Variants in XKR6 observed in about 807,000 individuals in gnomAD.
The protein encoded by XKR6 is XK-related protein 6.
A neutral mutation model predicts 56.7 loss-of-function variants in XKR6; 22 were observed. That is an observed-to-expected ratio of 0.39 (90% CI 0.28 to 0.55). XKR6 has a LOEUF of 0.55. Ranked by LOEUF, XKR6 falls within the 20% of genes least tolerant of loss-of-function variation. XKR6 has a pLI of 0.66. For missense variants in XKR6, 852 were observed against 889.0 expected, an observed-to-expected ratio of 0.96 and a Z score of 0.53; for synonymous variants, 524 against 387.8, an observed-to-expected ratio of 1.35 and a Z score of -4.13.
rs551146609 is a variant in XKR6, at chr8:10,979,076, C to T, written c.765-54246G>A. Among the ~76,000 whole-genome samples the T allele has an allele frequency of 8.0e-4, 121 of 152,122 alleles. 1 individual carries two copies. Among genetic ancestry groups the T allele is most frequent in the African/African-American group, 2.7e-3 (114 of 41,500 alleles). On this transcript the variant is annotated intron_variant, in intron 1 of 2. Coordinates refer to ENST00000416569, the MANE Select transcript of XKR6 (RefSeq NM_173683.4). The stretch of plus-strand genomic sequence containing the variant: ...CTGCTTGACTTTAGGGACCCAATCC[C>T]ATCTTCAATGTCACCTCCTCCTTGC...
At chr8:11,057,802 T>C (rs1047564598) in intron 1 of XKR6, among the ~76,000 whole-genome samples, 2 of 152,196 alleles carry the variant, frequency 1.3e-5, no homozygotes, top group African/African-American at 4.8e-5. Context: ...TTTTTAACCT[T>C]TTATTACATT....
At chr8:11,144,829 G>C (rs10095840) in intron 1 of XKR6, among the ~76,000 whole-genome samples, 7,769 of 150,930 alleles carry the variant, frequency 0.051, 669 homozygotes, top group African/African-American at 0.18. Flanking sequence ...AACAAAGACA[G>C]CTCAGTTTGG....
intron 1 of XKR6, among the ~76,000 whole-genome samples, chr8:11,049,206 G>T (rs1439814841): frequency 1.3e-5 from 2 of 152,218 alleles, no homozygotes; most frequent in Admixed American, 1.3e-4. Flanking sequence ...AAGGCACCTG[G>T]GGTTCTAATG....
At chr8:11,046,855 G>A (rs550379755) in intron 1 of XKR6, among the ~76,000 whole-genome samples, 1 of 152,308 alleles carries the variant, frequency 6.6e-6, no homozygotes, top group South Asian at 2.1e-4. Context: ...CAACATGGAT[G>A]AACCTGGAGG....
chr8:11,197,046 C>T (rs967322845), intron 1 of XKR6, among the ~76,000 whole-genome samples: 12 of 152,154 alleles, frequency 7.9e-5, no homozygotes, highest in Non-Finnish European at 1.2e-4. Context: ...AGCTGTAGAC[C>T]GCTCAACTGG....
chr8:10,987,863 C>G (rs980454325), intron 1 of XKR6, among the ~76,000 whole-genome samples: 1 of 152,204 alleles, frequency 6.6e-6, no homozygotes, highest in African/African-American at 2.4e-5. Flanking sequence ...TGCCATGGCT[C>G]TTAGCAGAAT....
In XKR6 at chr8:10,898,874, A is replaced by G; in HGVS notation, c.1004T>C (p.Leu335Pro). The G allele has an allele frequency of 1.2e-6, 2 of 1,613,314 alleles. No homozygotes were observed. Among genetic ancestry groups the G allele is most frequent in the Non-Finnish European group, 1.7e-6 (2 of 1,179,522 alleles). Residue 335 changes from leucine (L) to proline (P), a missense_variant, in exon 3 of 3, where the codon CTA becomes CCA. Around this residue, in one of 4 missense-constraint regions of XKR6, gnomAD observed 199 missense variants for 280.4 expected, o/e 0.71. Transcript: ENST00000416569. The surrounding 1 kb of genome is among the most constrained non-coding windows in gnomAD (Gnocchi z 6.6). ...CCGCAGCAGCTTGTGATAGGAGGCT[A>G]GCACCCAAGCCAGGGACATCAGGGA... ...VTSLMSLAWVLASYHKLLRDS... is the reference protein window; with the variant it reads ...VTSLMSLAWVPASYHKLLRDS...
At position 10,969,519 on chromosome 8, in the gene XKR6, A is replaced by C. The variant is rs144304001; in HGVS notation, c.765-44689T>G. The stretch of plus-strand genomic sequence containing the variant: ...CATGGGAAATGTAGGTACGTGTCCT[A>C]TGCAGGCATCCCTGGCCAGAACACA... On this transcript the variant is annotated intron_variant, in intron 1 of 2. Coordinates refer to ENST00000416569, the MANE Select transcript of XKR6 (RefSeq NM_173683.4). Among the ~76,000 whole-genome samples the C allele has an allele frequency of 7.6e-3, 1,153 of 152,350 alleles. 20 individuals carry two copies. Among genetic ancestry groups the C allele is most frequent in the African/African-American group, 0.026 (1,075 of 41,586 alleles).
chr8:10,924,211 G>A, intron 2 of XKR6, among the ~76,000 whole-genome samples: 1 of 152,250 alleles, frequency 6.6e-6, no homozygotes, highest in East Asian at 1.9e-4. Flanking sequence ...CAGTTTAAAG[G>A]GTCTGAAACC....
intron 1 of XKR6, among the ~76,000 whole-genome samples, chr8:11,115,657 T>C (rs1309392062): frequency 6.6e-6 from 1 of 152,132 alleles, no homozygotes; most frequent in Admixed American, 6.5e-5. Context: ...TGTCAAAATA[T>C]ATGCACCTGA....
At chr8:10,943,625 G>A (rs1441470244) in intron 1 of XKR6, among the ~76,000 whole-genome samples, 1 of 152,122 alleles carries the variant, frequency 6.6e-6, no homozygotes, top group African/African-American at 2.4e-5. Context: ...TACCATTTCT[G>A]TACCAGGCAC....
At position 10,925,371 on chromosome 8, in the gene XKR6, G is replaced by A. The variant is rs1184491468; in HGVS notation, c.765-541C>T. Among the ~76,000 whole-genome samples, 4 of 152,332 alleles carry A rather than the reference G, an allele frequency of 2.6e-5. No homozygotes were observed. The East Asian group carries it at 5.8e-4, about 22-fold the overall frequency. On this transcript the variant is annotated intron_variant, in intron 1 of 2. Coordinates refer to ENST00000416569, the MANE Select transcript of XKR6 (RefSeq NM_173683.4). ...TCACATGATACAGACAGGAAACAGC[G>A]TGGGCTCAGAAAGGTCACCCCCACT...
chr8:11,125,360 C>T (rs1799722648), intron 1 of XKR6, among the ~76,000 whole-genome samples: 1 of 152,142 alleles, frequency 6.6e-6, no homozygotes, highest in Admixed American at 6.5e-5. Context: ...GGCCTGAAGA[C>T]ACCTTTAGGT....
At chr8:11,157,875 C>T (rs1486186302) in intron 1 of XKR6, among the ~76,000 whole-genome samples, 1 of 152,142 alleles carries the variant, frequency 6.6e-6, no homozygotes. Context: ...TTCCCAGTTT[C>T]CAAACTTCAA....
intron 1 of XKR6, chr8:11,062,955 G>A (rs1408409516): frequency 2.4e-6 from 1 of 419,996 alleles, no homozygotes; most frequent in East Asian, 7.2e-5. Flanking sequence ...TAGAAGTGAA[G>A]GACTCCAGAG....
intron 1 of XKR6, among the ~76,000 whole-genome samples, chr8:11,022,101 C>A (rs4074356): frequency 6.7e-6 from 1 of 148,886 alleles, no homozygotes; most frequent in Non-Finnish European, 1.5e-5. Context: ...AAAGAAGCCC[C>A]TGCCCTGGAG....
chr8:10,991,548 G>T (rs1460127893), intron 1 of XKR6, among the ~76,000 whole-genome samples: 1 of 152,132 alleles, frequency 6.6e-6, no homozygotes, highest in Non-Finnish European at 1.5e-5. Flanking sequence ...GTTGCCATAG[G>T]TCTTAACTTG....
intron 1 of XKR6, among the ~76,000 whole-genome samples, chr8:11,075,059 C>G (rs1800235920): frequency 6.6e-6 from 1 of 152,158 alleles, no homozygotes; most frequent in Admixed American, 6.5e-5. Flanking sequence ...TCCCTGGAGG[C>G]TGGGGCACTA....
At chr8:11,086,046 G>A (rs577277386) in intron 1 of XKR6, among the ~76,000 whole-genome samples, 10 of 151,694 alleles carry the variant, frequency 6.6e-5, no homozygotes, top group African/African-American at 2.2e-4. Context: ...CGAGTGCCCC[G>A]GAGGACACTC....
Sources: gnomAD v4.1 joint callset for allele counts (sites outside exome capture counted in the v4.1 genomes callset) on GRCh38, gnomAD v4.1.1 for gene constraint, gnomAD v4.1.1 regional missense constraint, Gnocchi (gnomAD v3.1) non-coding constraint, MANE v1.5 for transcripts, NCBI Gene and HGNC (gene_info 2026-07-23, HGNC 2026-07-21) for gene names.